Variants in CTNNAL1 observed in about 807,000 individuals in gnomAD.
CTNNAL1 encodes the protein alpha-catulin.
In CTNNAL1, 69 loss-of-function variants were observed where a neutral mutation model predicts 93.6. The observed-to-expected ratio is 0.74, with a 90% confidence interval of 0.61 to 0.90. The LOEUF is 0.90. CTNNAL1 is among the 40% of genes least tolerant of loss of function. CTNNAL1 has a pLI of 0.00. For synonymous variants in CTNNAL1, 286 were observed against 305.4 expected (o/e 0.94, Z 0.66); for missense variants, 836 against 862.0 (o/e 0.97, Z 0.38).
In CTNNAL1 at chr9:109,010,955, A is replaced by G. The variant is rs542157443; in HGVS notation, c.141+2347T>C. ...GCATGTGCTGTTCTATACATGACCT[A>G]TCTACCAACTAGAATATAAGCCCCT... On this transcript the variant is annotated intron_variant, in intron 1 of 18. Coordinates refer to ENST00000325551, the MANE Select transcript of CTNNAL1 (RefSeq NM_003798.4). Among the ~76,000 whole-genome samples the G allele has an allele frequency of 9.9e-4, 151 of 152,328 alleles. 1 individual carries two copies. Among genetic ancestry groups the G allele is most frequent in the Non-Finnish European group, 1.8e-3 (122 of 68,026 alleles).
intron 8 of CTNNAL1, among the ~76,000 whole-genome samples, chr9:108,973,699 G>C (rs1401553574): frequency 2.1e-5 from 3 of 142,408 alleles, no homozygotes; most frequent in Non-Finnish European, 4.6e-5. Context: ...TTTTTTTAAT[G>C]ATGTGACAGG....
intron 11 of CTNNAL1, among the ~76,000 whole-genome samples, chr9:108,960,505 T>C (rs548576904): frequency 3.0e-4 from 45 of 152,260 alleles, no homozygotes; most frequent in Non-Finnish European, 6.0e-4. Context: ...GGCTATGAAA[T>C]AGGGCTGCCA....
intron 7 of CTNNAL1, 143 bp downstream of exon 7, chr9:108,979,138 A>G (rs540141958): frequency 1.9e-6 from 2 of 1,055,694 alleles, no homozygotes; most frequent in Admixed American, 5.4e-5. Flanking sequence ...TTGGCCAACT[A>G]GGAGGGAAAG....
At chr9:109,002,883 C>A (rs2132208823) in intron 1 of CTNNAL1, among the ~76,000 whole-genome samples, 1 of 151,926 alleles carries the variant, frequency 6.6e-6, no homozygotes, top group African/African-American at 2.4e-5. Context: ...ATCCCAGCTT[C>A]TCGAGAGGCT....
At chr9:108,990,997 A>C in intron 3 of CTNNAL1, 152 bp from the exon 4 acceptor site, 2 of 775,226 alleles carry the variant, frequency 2.6e-6, no homozygotes, top group South Asian at 2.2e-5. Flanking sequence ...GGGGATGCTC[A>C]GAGAAGTAGA....
chr9:108,989,048 C>A (rs1328637060), intron 4 of CTNNAL1, among the ~76,000 whole-genome samples: 1 of 152,092 alleles, frequency 6.6e-6, no homozygotes, highest in African/African-American at 2.4e-5. Flanking sequence ...AGCTAAATTG[C>A]TAAAAATAGA....
chr9:108,965,250 A>T, intron 11 of CTNNAL1, 128 bp downstream of exon 11: 1 of 725,128 alleles, frequency 1.4e-6, no homozygotes. Flanking sequence ...TGTGAACAAT[A>T]TTTTACTACA....
At chr9:108,950,669 C>CTT in intron 14 of CTNNAL1, 1 of 1,503,644 alleles carries the variant, frequency 6.7e-7, no homozygotes, top group Non-Finnish European at 8.9e-7. Context: ...TATCCCATCC[C>CTT]ATAAAAGGAG....
At chr9:108,995,158 T>C (rs1831971182) in intron 2 of CTNNAL1, among the ~76,000 whole-genome samples, 1 of 152,164 alleles carries the variant, frequency 6.6e-6, no homozygotes, top group South Asian at 2.1e-4. Flanking sequence ...CAGAAATAGG[T>C]AGCTAATACA....
intron 10 of CTNNAL1, among the ~76,000 whole-genome samples, chr9:108,967,227 T>C (rs1406091732): frequency 6.6e-6 from 1 of 152,202 alleles, no homozygotes; most frequent in Middle Eastern, 3.2e-3. Flanking sequence ...ATGAAGCTTA[T>C]ACTCTAGTGG....
chr9:109,000,282 G>A (rs1423230381), intron 1 of CTNNAL1, among the ~76,000 whole-genome samples: 2 of 152,134 alleles, frequency 1.3e-5, no homozygotes, highest in Non-Finnish European at 2.9e-5. Flanking sequence ...ATGTATCAGT[G>A]AATGAGACTA....
chr9:109,008,276 G>C (rs1168705866), intron 1 of CTNNAL1, among the ~76,000 whole-genome samples: 3 of 148,206 alleles, frequency 2.0e-5, no homozygotes, highest in Admixed American at 6.9e-5. Flanking sequence ...TTCTGCCCCA[G>C]CCTCCCAAGT....
chr9:108,970,563 T>C, intron 9 of CTNNAL1, 69 bp from the exon 10 acceptor site: 1 of 1,333,420 alleles, frequency 7.5e-7, no homozygotes, highest in South Asian at 1.8e-5. Context: ...TATCATTTTA[T>C]AATTAAAAAG....
intron 1 of CTNNAL1, among the ~76,000 whole-genome samples, chr9:109,004,520 G>A (rs1826954235): frequency 1.3e-5 from 2 of 152,146 alleles, no homozygotes; most frequent in Non-Finnish European, 2.9e-5. Context: ...GGGCGCAGTG[G>A]CTCACACTTG....
intron 15 of CTNNAL1, 126 bp from the exon 16 acceptor site, chr9:108,944,144 G>A (rs1023864042): frequency 5.4e-6 from 5 of 922,584 alleles, no homozygotes; most frequent in African/African-American, 3.4e-5. Context: ...AGTCTGTCAG[G>A]AACTCCTAAA....
intron 16 of CTNNAL1, 40 bp from the exon 17 acceptor site, chr9:108,943,856 A>T: frequency 1.2e-6 from 2 of 1,607,128 alleles, no homozygotes; most frequent in Non-Finnish European, 1.7e-6. Context: ...CCCGCAACAA[A>T]ACTCCATCTT....
At chr9:108,967,653 G>C in intron 10 of CTNNAL1, among the ~76,000 whole-genome samples, 1 of 152,172 alleles carries the variant, frequency 6.6e-6, no homozygotes, top group Non-Finnish European at 1.5e-5. Context: ...TTAAGTTAGA[G>C]AGTCACTGAA....
At chr9:108,991,946 G>C (rs1296618028) in intron 3 of CTNNAL1, 6 of 672,252 alleles carry the variant, frequency 8.9e-6, no homozygotes, top group African/African-American at 1.8e-5. Context: ...GTTTAAATCT[G>C]TTCTGTAAGT....
intron 8 of CTNNAL1, among the ~76,000 whole-genome samples, chr9:108,974,908 A>G (rs1418881773): frequency 1.3e-5 from 2 of 152,168 alleles, no homozygotes; most frequent in Admixed American, 6.6e-5. Flanking sequence ...GCCTGGGTGC[A>G]GTGGCTCACT....
Sources: gnomAD v4.1 joint callset for allele counts (sites outside exome capture counted in the v4.1 genomes callset) on GRCh38, gnomAD v4.1.1 for gene constraint, MANE v1.5 for transcripts, NCBI Gene and HGNC (gene_info 2026-07-23, HGNC 2026-07-21) for gene names.